CEP192: variants seen among roughly 807,000 people sequenced by gnomAD.
The protein encoded by CEP192 is centrosomal protein of 192 kDa.
A neutral mutation model predicts 271.8 loss-of-function variants in CEP192; 151 were observed. The observed-to-expected ratio is 0.56, with a 90% confidence interval of 0.49 to 0.64. The LOEUF (loss-of-function observed/expected upper bound fraction) is 0.64. CEP192 is among the 30% of genes least tolerant of loss of function. CEP192 has a pLI of 0.00. For missense variants in CEP192, 2,910 were observed against 3,020.5 expected, an observed-to-expected ratio of 0.96 and a Z score of 0.86; for synonymous variants, 995 against 1,076.5, an observed-to-expected ratio of 0.92 and a Z score of 1.48.
At chr18:13,115,662 G>A (rs2040395771) in intron 42 of CEP192, among the ~76,000 whole-genome samples, 1 of 152,224 alleles carries the variant, frequency 6.6e-6, no homozygotes, top group South Asian at 2.1e-4. Context: ...CTCTGCAATG[G>A]ACTGGATAAA....
chr18:13,009,008 C>CTT lies in CEP192; in HGVS notation c.466+381_466+382dup, dbSNP rs1193857966. On this transcript the variant is annotated intron_variant, in intron 4 of 44. Transcript: ENST00000506447. Reference sequence around the variant, plus strand: ...ATGGGCCTAAGCCACTGTGCCTGGCCTTTTTGTTTTTTTTTTTTTTTTTGC... The same window carrying CTT: ...ATGGGCCTAAGCCACTGTGCCTGGCCTTTTTTTGTTTTTTTTTTTTTTTTTGC... Among the ~76,000 whole-genome samples the CTT allele has an allele frequency of 5.5e-4, 62 of 113,518 alleles. 3 individuals are homozygous for CTT. The highest frequency in any genetic ancestry group is 1.0e-3 in the East Asian group (4 of 3,942). The allele number at this position is 113,518 out of a possible 152,430, so 74.5% of individuals were successfully genotyped here.
chr18:12,998,307 A>G (rs771902513), intron 1 of CEP192, among the ~76,000 whole-genome samples: 15 of 152,184 alleles, frequency 9.9e-5, no homozygotes, highest in Non-Finnish European at 1.6e-4. Context: ...CTGTTATTCT[A>G]GCTTCGTTTA....
intron 3 of CEP192, among the ~76,000 whole-genome samples, chr18:13,005,614 C>T (rs1316172974): frequency 6.6e-6 from 1 of 152,050 alleles, no homozygotes; most frequent in African/African-American, 2.4e-5. Flanking sequence ...AGACTCAGTG[C>T]CTGGGGAGAG....
rs750509245 is a variant in CEP192 at position 13,068,858 on chromosome 18, T to C, written c.4829T>C (p.Leu1610Pro). ...AGAATGAACTTTTTTTTAGATATTCTGGACTCAGCAGAAGAATTCTCGGCA... is the reference window on the plus strand; with the variant it reads ...AGAATGAACTTTTTTTTAGATATTCCGGACTCAGCAGAAGAATTCTCGGCA... Reference protein sequence around the residue: ...PKKQISSSDILDSAEEFSAKV... With the variant: ...PKKQISSSDIPDSAEEFSAKV... The change falls in exon 25 of 45, where the codon CTG becomes CCG. Residue 1610 changes from leucine (L) to proline (P), a missense_variant. Coordinates refer to ENST00000506447, the MANE Select transcript of CEP192 (RefSeq NM_032142.4). 19 of 1,614,092 alleles carry C rather than the reference T, an allele frequency of 1.2e-5. 1 individual carries two copies. In the South Asian group the frequency reaches 2.0e-4, roughly 17 times the overall value.
At chr18:13,114,568 C>T (rs1195479352) in intron 42 of CEP192, among the ~76,000 whole-genome samples, 8 of 152,018 alleles carry the variant, frequency 5.3e-5, no homozygotes, top group Non-Finnish European at 2.9e-5. Flanking sequence ...TTGAATGTAC[C>T]TATAGTTCAT....
chr18:13,003,875 G>A (rs1229243930), intron 3 of CEP192, among the ~76,000 whole-genome samples: 1 of 150,434 alleles, frequency 6.6e-6, no homozygotes, highest in Non-Finnish European at 1.5e-5. Context: ...TGGGCACATT[G>A]TCTGGGAGTG....
chr18:13,091,363 A>C (rs1486743707), intron 33 of CEP192, among the ~76,000 whole-genome samples: 1 of 152,188 alleles, frequency 6.6e-6, no homozygotes, highest in Admixed American at 6.5e-5. Context: ...GGGACACCAG[A>C]ATTTCACCTC....
At chr18:13,113,271 G>A (rs893405753) in intron 40 of CEP192, among the ~76,000 whole-genome samples, 5 of 152,182 alleles carry the variant, frequency 3.3e-5, no homozygotes, top group Non-Finnish European at 7.3e-5. Flanking sequence ...GTCTGTGGTT[G>A]GACCTTCCTC....
intron 11 of CEP192, among the ~76,000 whole-genome samples, chr18:13,030,996 A>G (rs1219264279): frequency 1.3e-5 from 2 of 152,218 alleles, no homozygotes; most frequent in Admixed American, 1.3e-4. Flanking sequence ...GGTAGAAATG[A>G]TGGAAGAAAA....
intron 33 of CEP192, among the ~76,000 whole-genome samples, chr18:13,089,786 C>G (rs150969021): frequency 0.014 from 2,199 of 152,294 alleles, 57 homozygotes; most frequent in African/African-American, 0.047. Context: ...GCTCATCTAG[C>G]TTTTCATCCA....
chr18:13,089,187 T>C (rs2039029691), intron 32 of CEP192, among the ~76,000 whole-genome samples: 4 of 152,206 alleles, frequency 2.6e-5, no homozygotes, highest in Admixed American at 2.6e-4. Flanking sequence ...TCACAAATAA[T>C]GAAAATGTAG....
chr18:12,993,306 G>C (rs895416624), intron 1 of CEP192, among the ~76,000 whole-genome samples: 1 of 152,064 alleles, frequency 6.6e-6, no homozygotes, highest in Admixed American at 6.6e-5. Context: ...TATTGCATTC[G>C]GGGGTAAGGT....
At chr18:13,046,291 C>A (rs562581210) in intron 15 of CEP192, among the ~76,000 whole-genome samples, 127 of 152,272 alleles carry the variant, frequency 8.3e-4, no homozygotes, top group African/African-American at 3.0e-3. Context: ...AGGGGTTCAC[C>A]GCTATGACCC....
chr18:13,050,021 T>G lies in CEP192; in HGVS notation c.3017+130T>G. The G allele has an allele frequency of 4.2e-6, 3 of 706,334 alleles. No individual in the cohort carries two copies. In the East Asian group the frequency reaches 8.7e-5, roughly 21 times the overall value. The allele number at this position is 706,334 out of a possible 1,614,324, so 43.8% of individuals were successfully genotyped here. A position where few individuals can be genotyped will look rare whatever the true frequency, so the allele number is the denominator to read the frequency against. ...AAGGTAACTCTTGTAAGCTGTGAAT[T>G]TCTTTCCAGCTATTTTTCTGTGCAA... On this transcript the variant is annotated intron_variant, in intron 17 of 44. Coordinates refer to ENST00000506447, the MANE Select transcript of CEP192 (RefSeq NM_032142.4).
chr18:13,093,268 A>C (rs2039237449), intron 34 of CEP192, among the ~76,000 whole-genome samples: 1 of 152,242 alleles, frequency 6.6e-6, no homozygotes, highest in Non-Finnish European at 1.5e-5. Flanking sequence ...GGTTCCATCC[A>C]CATGTTATTG....
At chr18:13,069,306 C>T (rs754245237) in intron 26 of CEP192, 125 bp downstream of exon 26, 12 of 756,210 alleles carry the variant, frequency 1.6e-5, no homozygotes, top group Non-Finnish European at 2.7e-5. Flanking sequence ...ATGAAAGAAT[C>T]GCTGAGAGTT....
intron 9 of CEP192, among the ~76,000 whole-genome samples, chr18:13,020,517 G>A (rs1173529709): frequency 6.6e-6 from 1 of 152,140 alleles, no homozygotes; most frequent in East Asian, 1.9e-4. Flanking sequence ...TGGCTTTTGA[G>A]TGTAATGCTG....
At chr18:12,994,231 A>G (rs993351057) in intron 1 of CEP192, among the ~76,000 whole-genome samples, 1 of 152,188 alleles carries the variant, frequency 6.6e-6, no homozygotes, top group African/African-American at 2.4e-5. Flanking sequence ...ATTTAAATGG[A>G]TGTGATTGAC....
chr18:13,084,074 G>A (rs558826960), intron 30 of CEP192, among the ~76,000 whole-genome samples: 3 of 152,306 alleles, frequency 2.0e-5, no homozygotes, highest in African/African-American at 7.2e-5. Context: ...GCTACACGGG[G>A]GTCAGGGACC....
Sources: gnomAD v4.1 joint callset for allele counts (sites outside exome capture counted in the v4.1 genomes callset) on GRCh38, gnomAD v4.1.1 for gene constraint, MANE v1.5 for transcripts, NCBI Gene and HGNC (gene_info 2026-07-23, HGNC 2026-07-21) for gene names.